Variants in BATF observed in about 807,000 individuals in gnomAD.
BATF encodes the protein basic leucine zipper transcriptional factor ATF-like.
BATF carries 5 observed loss-of-function variants against 13.7 expected under a neutral mutation model. The observed-to-expected ratio is 0.36, with a 90% CI of 0.19 to 0.77. BATF has a LOEUF of 0.77. Among genes scored for constraint, BATF ranks in the 30% least tolerant of loss-of-function variants. The probability of loss-of-function intolerance (pLI) is 0.51; values close to 1 mark genes in which losing one functional copy is unlikely to be tolerated. For missense variants in BATF, 124 were observed against 163.0 expected (o/e 0.76, Z 1.30); for synonymous variants, 72 against 67.5 (o/e 1.07, Z -0.33).
chr14:75,522,848 T>C, intron 1 of BATF, 103 bp downstream of exon 1: 3 of 1,431,704 alleles, frequency 2.1e-6, no homozygotes, highest in Non-Finnish European at 2.9e-6. Flanking sequence ...ATGGAGGAAG[T>C]GGCTCGTTGC....
At chr14:75,546,067 G>C (rs897433244) in intron 2 of BATF, among the ~76,000 whole-genome samples, 3 of 152,036 alleles carry the variant, frequency 2.0e-5, no homozygotes, top group Admixed American at 6.6e-5. Context: ...TTGCCACGTT[G>C]CCCAGGCTGG....
chr14:75,541,781 A>G (rs1226913227), intron 2 of BATF, among the ~76,000 whole-genome samples: 1 of 152,196 alleles, frequency 6.6e-6, no homozygotes, highest in Non-Finnish European at 1.5e-5. Flanking sequence ...CTCCTGCCTC[A>G]GCCTCCGGAG....
chr14:75,542,402 T>C (rs1887909684), intron 2 of BATF, among the ~76,000 whole-genome samples: 2 of 152,050 alleles, frequency 1.3e-5, no homozygotes, highest in South Asian at 4.1e-4. Flanking sequence ...AAGACATGCA[T>C]ATGGGAGAAG....
At chr14:75,530,787 T>A (rs1887720863) in intron 2 of BATF, among the ~76,000 whole-genome samples, 1 of 152,202 alleles carries the variant, frequency 6.6e-6, no homozygotes, top group Non-Finnish European at 1.5e-5. Flanking sequence ...GTGCTGGGAT[T>A]ACAGGTGTGA....
chr14:75,539,734 T>G (rs1887868966), intron 2 of BATF, among the ~76,000 whole-genome samples: 1 of 152,114 alleles, frequency 6.6e-6, no homozygotes, highest in Admixed American at 6.5e-5. Flanking sequence ...ACACGTGCAT[T>G]ATTCAGCGCA....
At chr14:75,525,266 C>T (rs1887634324) in intron 2 of BATF, 78 bp downstream of exon 2, 1 of 1,427,642 alleles carries the variant, frequency 7.0e-7, no homozygotes, top group Non-Finnish European at 9.7e-7. Context: ...TGGACCATAG[C>T]TTTGATTCTG....
intron 2 of BATF, among the ~76,000 whole-genome samples, chr14:75,527,450 A>G (rs940151391): frequency 2.0e-5 from 3 of 152,064 alleles, no homozygotes; most frequent in East Asian, 1.9e-4. Context: ...CTCTCTCCCA[A>G]TTTATGAACA....
intron 2 of BATF, among the ~76,000 whole-genome samples, chr14:75,537,973 A>G (rs567774609): frequency 2.3e-4 from 35 of 152,184 alleles, no homozygotes; most frequent in African/African-American, 8.2e-4. Flanking sequence ...TATTTTTATT[A>G]TTTTGAGATA....
intron 2 of BATF, among the ~76,000 whole-genome samples, chr14:75,537,829 T>C (rs1185589066): frequency 4.6e-5 from 7 of 152,074 alleles, no homozygotes; most frequent in Non-Finnish European, 8.8e-5. Flanking sequence ...AATGAAAATA[T>C]GTAAAAATAT....
chr14:75,530,246 C>A (rs1887714559), intron 2 of BATF, among the ~76,000 whole-genome samples: 1 of 152,080 alleles, frequency 6.6e-6, no homozygotes, highest in South Asian at 2.1e-4. Context: ...CACGATGTTG[C>A]CAAGGTAATG....
In BATF at chr14:75,524,930, G is replaced by A. The variant is rs1007531450; in HGVS notation, c.64-154G>A. Among the ~76,000 whole-genome samples, 3 of 152,066 alleles carry A rather than the reference G, an allele frequency of 2.0e-5. No homozygotes were observed. In the South Asian group the frequency reaches 6.2e-4, roughly 32 times the overall value. On this transcript the variant is annotated intron_variant, in intron 1 of 2. Coordinates refer to ENST00000286639, the MANE Select transcript of BATF (RefSeq NM_006399.5). Reference sequence around the variant, plus strand: ...CAGGCATGGAGAAGAGCTCTCCTTCGGGTGCAGGCTTTTGGTAAATAGAGG... The same window carrying A: ...CAGGCATGGAGAAGAGCTCTCCTTCAGGTGCAGGCTTTTGGTAAATAGAGG...
rs1215652483 is a variant in BATF at position 75,546,833 on chromosome 14, C to A, written c.*162C>A. ...CACGACTGGAAGGGCGTGAGGCCTC[C>A]CAGCAGTGCCGCAGCGTTTCGAGGG... is the stretch of plus-strand genomic sequence containing the variant. On this transcript the variant is annotated 3_prime_UTR_variant, in exon 3 of 3. Coordinates refer to ENST00000286639, the MANE Select transcript of BATF (RefSeq NM_006399.5). The A allele has an allele frequency of 7.0e-6, 7 of 993,466 alleles. No individual in the cohort carries two copies. The South Asian group carries it at 9.6e-5, about 14-fold the overall frequency. 61.5% of individuals were successfully genotyped at this position (993,466 alleles called of 1,614,324 possible).
chr14:75,533,284 C>A (rs1887765483), intron 2 of BATF, among the ~76,000 whole-genome samples: 1 of 151,982 alleles, frequency 6.6e-6, no homozygotes. Context: ...AAAAATTAGC[C>A]AGGCGTGGTG....
At chr14:75,528,711 G>T (rs1166363666) in intron 2 of BATF, among the ~76,000 whole-genome samples, 3 of 152,192 alleles carry the variant, frequency 2.0e-5, no homozygotes, top group African/African-American at 7.2e-5. Flanking sequence ...GGCATAACTT[G>T]ACCAGTTAGT....
chr14:75,534,658 T>G (rs1293946222), intron 2 of BATF, among the ~76,000 whole-genome samples: 1 of 152,210 alleles, frequency 6.6e-6, no homozygotes, highest in Admixed American at 6.5e-5. Context: ...TTAAGAAGCC[T>G]TCATCAAGCT....
chr14:75,536,005 C>A (rs1887810828), intron 2 of BATF, among the ~76,000 whole-genome samples: 2 of 152,206 alleles, frequency 1.3e-5, no homozygotes, highest in South Asian at 4.1e-4. Flanking sequence ...GGAAGTGATT[C>A]ATCTACTCAA....
chr14:75,536,858 C>T (rs540499709), intron 2 of BATF, among the ~76,000 whole-genome samples: 21 of 152,300 alleles, frequency 1.4e-4, no homozygotes, highest in African/African-American at 4.6e-4. Context: ...AACCTAAACT[C>T]TGATCATAAG....
chr14:75,539,424 ATTTTTTTTTTTTT>A lies in BATF; in HGVS notation c.169-7023_169-7011del, dbSNP rs1162218076. Among the ~76,000 whole-genome samples, 6 of 58,552 alleles carry A rather than the reference ATTTTTTTTTTTTT, an allele frequency of 1.0e-4. No individual in the cohort carries two copies. In the East Asian group the frequency reaches 2.1e-3, roughly 20 times the overall value. The allele number at this position is 58,552 out of a possible 152,430, so 38.4% of individuals were successfully genotyped here. ...TAGCTACAAGGTAAGGTAAGCTGGAATTTTTTTTTTTTTTTTTTTTTTTTTTTAGCAATTCTTT... is the reference window on the plus strand; with the variant it reads ...TAGCTACAAGGTAAGGTAAGCTGGAATTTTTTTTTTTTTTAGCAATTCTTT... On this transcript the variant is annotated intron_variant, in intron 2 of 2. Transcript: ENST00000286639.
Position 75,546,965 on chromosome 14 carries a change from T to G in BATF, c.*294T>G. The G allele has an allele frequency of 1.4e-6, 1 of 702,704 alleles. No individual in the cohort carries two copies. Among genetic ancestry groups the G allele is most frequent in the Non-Finnish European group, 2.6e-6 (1 of 385,146 alleles). 43.5% of individuals were successfully genotyped at this position (702,704 alleles called of 1,614,324 possible). A position where few individuals can be genotyped will look rare whatever the true frequency, so the allele number is the denominator to read the frequency against. On this transcript the variant is annotated 3_prime_UTR_variant, in exon 3 of 3. Transcript: ENST00000286639. ...GAGCAAGGCGGGCAGGGAACGGTTA[T>G]TTTTCTAAATAAATGCTTTAAAAGA... is the stretch of plus-strand genomic sequence containing the variant.
Sources: gnomAD v4.1 joint callset for allele counts (sites outside exome capture counted in the v4.1 genomes callset) on GRCh38, gnomAD v4.1.1 for gene constraint, MANE v1.5 for transcripts, NCBI Gene and HGNC (gene_info 2026-07-23, HGNC 2026-07-21) for gene names.